The following FBXW11 variants were observed in gnomAD, a reference collection of about 807,000 sequenced individuals.
FBXW11 encodes the protein F-box/WD repeat-containing protein 11.
A neutral mutation model predicts 77.6 loss-of-function variants in FBXW11; 19 were observed. That is an observed-to-expected ratio of 0.24 (90% CI 0.17 to 0.36). FBXW11 has a LOEUF of 0.36. FBXW11 is among the 10% of genes least tolerant of loss of function. FBXW11 has a pLI of 1.00. For synonymous variants in FBXW11, 235 were observed against 249.4 expected (o/e 0.94, Z 0.54); for missense variants, 334 against 704.2 (o/e 0.47, Z 5.95).
At chr5:171,988,921 A>C (rs1581083513) in intron 1 of FBXW11, among the ~76,000 whole-genome samples, 1 of 152,226 alleles carries the variant, frequency 6.6e-6, no homozygotes, top group Non-Finnish European at 1.5e-5. Context: ...TCACGCCTGT[A>C]ATCCCAGCAC....
At chr5:171,895,171 C>G (rs1759660402) in intron 6 of FBXW11, among the ~76,000 whole-genome samples, 1 of 152,172 alleles carries the variant, frequency 6.6e-6, no homozygotes, top group East Asian at 1.9e-4. Flanking sequence ...ACTTAGCCAT[C>G]ATGTGGTATG....
At chr5:172,004,457 T>C (rs1001381262) in intron 1 of FBXW11, among the ~76,000 whole-genome samples, 4 of 152,250 alleles carry the variant, frequency 2.6e-5, no homozygotes, top group African/African-American at 9.6e-5. Context: ...AAATCAAAAC[T>C]TTTTAAGTTA....
At chr5:171,875,724 C>T (rs1758033896) in intron 9 of FBXW11, among the ~76,000 whole-genome samples, 1 of 152,174 alleles carries the variant, frequency 6.6e-6, no homozygotes, top group Admixed American at 6.5e-5. Context: ...ACTTCAACTC[C>T]TTGTTACAAG....
chr5:171,931,839 CCCT>C, intron 2 of FBXW11, among the ~76,000 whole-genome samples: 2 of 12,502 alleles, frequency 1.6e-4, no homozygotes, highest in African/African-American at 3.2e-4. Flanking sequence ...CTCTCTCCCT[CCCT>C]CCCTCCCTCC....
At chr5:171,880,026 T>C (rs1230065165) in intron 7 of FBXW11, among the ~76,000 whole-genome samples, 1 of 152,232 alleles carries the variant, frequency 6.6e-6, no homozygotes, top group Non-Finnish European at 1.5e-5. Context: ...ATCATCTAGA[T>C]TCTCTCCTAT....
rs75824606 is a variant in FBXW11 at position 172,000,063 on chromosome 5, T to G, written c.45+6395A>C. ...CTCTCATTTGCCTACAAAGACAAAC[T>G]TCCTCTTAAGCAATTGCGATCAGCA... On this transcript the variant is annotated intron_variant, in intron 1 of 13. Coordinates refer to ENST00000517395, the MANE Select transcript of FBXW11 (RefSeq NM_001378974.1). 7.4e-3 allele frequency among the ~76,000 whole-genome samples: 1,134 copies of G among 152,290 alleles called. 13 individuals are homozygous for G. The highest frequency in any genetic ancestry group is 0.025 in the African/African-American group (1,041 of 41,552).
intron 1 of FBXW11, among the ~76,000 whole-genome samples, chr5:171,958,576 TATTTA>T (rs1453234430): frequency 1.3e-5 from 2 of 152,348 alleles, no homozygotes; most frequent in Admixed American, 6.5e-5. Context: ...TTAAAAAGCT[TATTTA>T]ATTTACCTCT....
At chr5:171,900,842 G>A (rs1381663775) in intron 4 of FBXW11, among the ~76,000 whole-genome samples, 1 of 152,030 alleles carries the variant, frequency 6.6e-6, no homozygotes, top group Admixed American at 6.6e-5. Context: ...AACCTCCCAC[G>A]ATACAAGGAT....
intron 11 of FBXW11, among the ~76,000 whole-genome samples, chr5:171,870,531 C>G (rs1168315195): frequency 1.3e-5 from 2 of 152,154 alleles, no homozygotes; most frequent in Non-Finnish European, 2.9e-5. Flanking sequence ...TTAGGAACCA[C>G]AGTGACTCTC....
At chr5:171,880,000 C>T (rs1194558520) in intron 7 of FBXW11, among the ~76,000 whole-genome samples, 11 of 152,178 alleles carry the variant, frequency 7.2e-5, no homozygotes, top group Non-Finnish European at 1.3e-4. Flanking sequence ...TCTAAAAAGT[C>T]ATCAACAAAT....
intron 2 of FBXW11, among the ~76,000 whole-genome samples, chr5:171,936,074 G>C (rs902894506): frequency 1.4e-5 from 2 of 139,088 alleles, no homozygotes; most frequent in Non-Finnish European, 3.0e-5. Context: ...TTGTGCCACT[G>C]CACTCTAGCC....
intron 2 of FBXW11, among the ~76,000 whole-genome samples, chr5:171,948,785 T>C (rs965471913): frequency 1.3e-5 from 2 of 152,160 alleles, no homozygotes; most frequent in Admixed American, 6.5e-5. Flanking sequence ...TTTACCCACG[T>C]CCCTATCCTC....
intron 1 of FBXW11, among the ~76,000 whole-genome samples, chr5:171,982,660 A>G (rs1765212600): frequency 6.6e-6 from 1 of 152,224 alleles, no homozygotes; most frequent in Non-Finnish European, 1.5e-5. Flanking sequence ...TTTAGAAGAC[A>G]GTTTAGCAGT....
At chr5:172,006,132 A>G (rs1766749176) in intron 1 of FBXW11, among the ~76,000 whole-genome samples, 1 of 150,524 alleles carries the variant, frequency 6.6e-6, no homozygotes, top group Admixed American at 6.6e-5. Context: ...CCTTTCTAAA[A>G]GAAGGAGAAT....
intron 4 of FBXW11, among the ~76,000 whole-genome samples, chr5:171,905,487 C>A (rs377071697): frequency 6.6e-6 from 1 of 152,030 alleles, no homozygotes. Flanking sequence ...TACTCTCCCC[C>A]AAATCCTCTC....
In FBXW11 at chr5:171,869,456, T is replaced by C. The variant is rs1042900063; in HGVS notation, c.1530+273A>G. ...ATCTTCCAAACCTACAAGAAGGAAA[T>C]ATTGCTTGCCCTATGAGGAAACCAG... On this transcript the variant is annotated intron_variant, in intron 12 of 13. Coordinates refer to ENST00000517395, the MANE Select transcript of FBXW11 (RefSeq NM_001378974.1). The surrounding 1 kb of genome is among the most constrained non-coding windows in gnomAD (Gnocchi z 4.1). Among the ~76,000 whole-genome samples, 8 of 152,066 alleles carry C rather than the reference T, an allele frequency of 5.3e-5. No individual in the cohort carries two copies. Among genetic ancestry groups the C allele is most frequent in the African/African-American group, 1.9e-4 (8 of 41,382 alleles).
intron 7 of FBXW11, among the ~76,000 whole-genome samples, chr5:171,887,015 T>C (rs1341225642): frequency 1.3e-5 from 2 of 152,012 alleles, no homozygotes; most frequent in African/African-American, 4.8e-5. Flanking sequence ...CGAGACTCTG[T>C]CTCAAAAAGT....
chr5:171,900,275 T>C (rs781483503), intron 4 of FBXW11, among the ~76,000 whole-genome samples, 175 bp from the exon 5 acceptor site: 21 of 152,212 alleles, frequency 1.4e-4, no homozygotes, highest in Admixed American at 2.6e-4. Context: ...ACACTTCTTT[T>C]TGGTTCTGAT....
chr5:171,898,617 G>C (rs1759908877), intron 6 of FBXW11, among the ~76,000 whole-genome samples: 1 of 152,088 alleles, frequency 6.6e-6, no homozygotes, highest in Non-Finnish European at 1.5e-5. Context: ...AATGTACAGA[G>C]AAAACTTGAA....
Sources: allele counts gnomAD v4.1 joint callset (sites outside exome capture counted in the v4.1 genomes callset), GRCh38; gene constraint gnomAD v4.1.1; non-coding constraint Gnocchi (gnomAD v3.1); transcripts MANE v1.5; gene names NCBI Gene and HGNC (gene_info 2026-07-23, HGNC 2026-07-21).